The following PECR variants were observed in gnomAD, a reference collection of about 807,000 sequenced individuals.
The protein encoded by PECR is 2,4-dienoyl-CoA reductase-related protein.
Under a neutral mutation model 35.3 loss-of-function variants are expected in PECR, and 30 were observed. The observed-to-expected ratio is 0.85, with a 90% CI of 0.64 to 1.15. The LOEUF (loss-of-function observed/expected upper bound fraction) is 1.15. PECR is among the 50% of genes most tolerant of loss of function. The pLI, the probability that PECR is intolerant of heterozygous loss-of-function variation, is 0.00. For synonymous variants in PECR, 148 were observed against 138.9 expected (o/e 1.07, Z -0.46); for missense variants, 392 against 370.8 (o/e 1.06, Z -0.47).
chr2:216,051,522 C>T lies in PECR; in HGVS notation c.530G>A (p.Gly177Asp), dbSNP rs774519636. ...LAVHSGAARA[G>D]VYNLTKSLAL... Reference sequence around the variant, plus strand: ...TAAAGATTTGGTGAGGTTGTAAACACCTGCTCTTGCAGCTCCAGAATGCCT... The same window carrying T: ...TAAAGATTTGGTGAGGTTGTAAACATCTGCTCTTGCAGCTCCAGAATGCCT... Residue 177 changes from glycine to aspartate, a missense_variant, in exon 5 of 8, where the codon GGT becomes GAT. By Grantham distance (94) the Gly-to-Asp change is moderately conservative. Coordinates refer to ENST00000265322, the MANE Select transcript of PECR (RefSeq NM_018441.6). 5 of 1,610,902 alleles carry T rather than the reference C, an allele frequency of 3.1e-6. No individual in the cohort carries two copies.
intron 1 of PECR, among the ~76,000 whole-genome samples, chr2:216,076,512 C>T (rs1271121623): frequency 6.6e-6 from 1 of 152,210 alleles, no homozygotes; most frequent in Non-Finnish European, 1.5e-5. Context: ...AAATATCTTG[C>T]TATTGTTCCT....
chr2:216,063,565 C>T (rs1695402814), intron 3 of PECR, among the ~76,000 whole-genome samples: 1 of 151,758 alleles, frequency 6.6e-6, no homozygotes, highest in African/African-American at 2.4e-5. Context: ...TTGCAGTGAG[C>T]AGAGATCACG....
At chr2:216,042,936 T>TACATACGTATATGTGTATATATATATAC (rs1422833179) in intron 7 of PECR, among the ~76,000 whole-genome samples, 19 of 145,544 alleles carry the variant, frequency 1.3e-4, no homozygotes, top group African/African-American at 2.6e-4. Flanking sequence ...GTTATATATA[T>TACATACGTATATGTGTATATATATATAC]ACATACGTAT....
In PECR at chr2:216,061,188, T is replaced by C. The variant is rs151297045; in HGVS notation, c.425-2212A>G. On this transcript the variant is annotated intron_variant, in intron 3 of 7. Coordinates refer to ENST00000265322, the MANE Select transcript of PECR (RefSeq NM_018441.6). ...GAGCATGGTGGTTAGTAGCCTAGTA[T>C]GCACCTGTACCTCCAGCTACTCAGG... Among the ~76,000 whole-genome samples, 862 of 141,392 alleles carry C rather than the reference T, an allele frequency of 6.1e-3. 31 individuals are homozygous for C. Among genetic ancestry groups the C allele is most frequent in the Admixed American group, 0.057 (805 of 14,036 alleles). 92.8% of individuals were successfully genotyped at this position (141,392 alleles called of 152,430 possible).
At chr2:216,056,581 C>A (rs549295907) in intron 4 of PECR, among the ~76,000 whole-genome samples, 5 of 151,618 alleles carry the variant, frequency 3.3e-5, no homozygotes, top group African/African-American at 1.2e-4. Flanking sequence ...AACTACTGGA[C>A]GTGGTGGTGG....
chr2:216,044,799 C>T (rs1477438784), intron 6 of PECR, among the ~76,000 whole-genome samples: 2 of 152,208 alleles, frequency 1.3e-5, no homozygotes, highest in Non-Finnish European at 2.9e-5. Context: ...CTACTCCCAA[C>T]CCAAACAGAA....
chr2:216,048,582 C>A (rs1363013564), intron 6 of PECR, among the ~76,000 whole-genome samples: 1 of 151,770 alleles, frequency 6.6e-6, no homozygotes, highest in Admixed American at 6.6e-5. Context: ...TGGTGGCATA[C>A]ATCTGTAATT....
rs1695466877 is a variant in PECR at position 216,066,405 on chromosome 2, T to C, written c.238A>G (p.Asn80Asp). 10 of 1,613,228 alleles carry C rather than the reference T, an allele frequency of 6.2e-6. No homozygotes were observed. The highest frequency in any genetic ancestry group is 7.6e-6 in the Non-Finnish European group (9 of 1,179,132). Residue 80 changes from asparagine (N) to aspartate (D), a missense_variant, in exon 2 of 8, where the codon AAC becomes GAC. Transcript: ENST00000265322. ...ATTACCTCCTCCTCATTCCGGATGT[T>C]GCATTGTATGGGAATGACTCGTGCC... ...KQARVIPIQC[N>D]IRNEEEVNNL...
At chr2:216,049,785 T>C (rs548731150) in intron 5 of PECR, among the ~76,000 whole-genome samples, 78 of 152,330 alleles carry the variant, frequency 5.1e-4, no homozygotes, top group Non-Finnish European at 8.7e-4. Flanking sequence ...AAAAATGCAA[T>C]ATTTTCTTGG....
At chr2:216,055,181 T>C (rs112382647) in intron 4 of PECR, among the ~76,000 whole-genome samples, 4 of 151,184 alleles carry the variant, frequency 2.6e-5, no homozygotes, top group Non-Finnish European at 4.4e-5. Flanking sequence ...CTCACGCCTG[T>C]AATCTCAGCA....
chr2:216,030,444 T>G (rs1694662382), intron 7 of PECR, among the ~76,000 whole-genome samples: 1 of 152,108 alleles, frequency 6.6e-6, no homozygotes, highest in Admixed American at 6.6e-5. Flanking sequence ...CCTCACAGAG[T>G]TTTTGTAAGG....
chr2:216,071,701 C>T (rs1359167163), intron 1 of PECR, among the ~76,000 whole-genome samples: 2 of 152,198 alleles, frequency 1.3e-5, no homozygotes, highest in Non-Finnish European at 2.9e-5. Context: ...AAATCAACAA[C>T]TCCTGGGGCT....
chr2:216,051,052 A>G (rs562123948), intron 5 of PECR, among the ~76,000 whole-genome samples: 2 of 151,924 alleles, frequency 1.3e-5, no homozygotes, highest in Admixed American at 1.3e-4. Context: ...TTGAGAGGCC[A>G]TGGCGAACAG....
Position 216,051,043 on chromosome 2 carries a change from T to C in PECR, c.603+406A>G, listed in dbSNP as rs1026630418. The C allele has an allele frequency of 9.7e-5, 18 of 186,142 alleles. No individual in the cohort carries two copies. The South Asian group carries it at 9.8e-4, about 10-fold the overall frequency. The allele number at this position is 186,142 out of a possible 1,614,324, so 11.5% of individuals were successfully genotyped here. ...GCTCACATCTGTAATCCCAGCACTT[T>C]GAGAGGCCATGGCGAACAGATCTCC... On this transcript the variant is annotated intron_variant, in intron 5 of 7. Transcript: ENST00000265322.
chr2:216,045,961 T>A (rs1288091379), intron 6 of PECR, among the ~76,000 whole-genome samples: 1 of 152,154 alleles, frequency 6.6e-6, no homozygotes, highest in African/African-American at 2.4e-5. Flanking sequence ...GTGGATCACC[T>A]GAGGCCAGGA....
At chr2:216,053,728 T>A (rs1051052111) in intron 4 of PECR, among the ~76,000 whole-genome samples, 1 of 152,142 alleles carries the variant, frequency 6.6e-6, no homozygotes, top group Non-Finnish European at 1.5e-5. Flanking sequence ...AACCTATATT[T>A]GTGTAATTTT....
chr2:216,057,853 TA>T (rs1366329044), intron 4 of PECR: 1 of 152,124 alleles, frequency 6.6e-6, no homozygotes, highest in Non-Finnish European at 1.5e-5. Context: ...AGTTAATGAG[TA>T]TCCTCTCTGG....
intron 3 of PECR, among the ~76,000 whole-genome samples, chr2:216,061,008 A>G (rs1695333696): frequency 6.6e-6 from 1 of 151,752 alleles, no homozygotes; most frequent in African/African-American, 2.4e-5. Flanking sequence ...CAAAAATGGA[A>G]TGAGCCGGGA....
chr2:216,031,651 G>T (rs1694704190), intron 7 of PECR, among the ~76,000 whole-genome samples: 1 of 57,190 alleles, frequency 1.7e-5, no homozygotes, highest in African/African-American at 7.9e-5. Flanking sequence ...AAGAAGAAAA[G>T]AAAGAAAGAA....
Sources: allele counts gnomAD v4.1 joint callset (sites outside exome capture counted in the v4.1 genomes callset), GRCh38; gene constraint gnomAD v4.1.1; transcripts MANE v1.5; gene names NCBI Gene and HGNC (gene_info 2026-07-23, HGNC 2026-07-21).